The following OSBP2 variants were observed in gnomAD, a reference collection of about 807,000 sequenced individuals.
OSBP2 encodes oxysterol binding protein 2.
A neutral mutation model predicts 96.0 loss-of-function variants in OSBP2; 66 were observed. The observed-to-expected ratio is 0.69, with a 90% CI of 0.56 to 0.84. The LOEUF is 0.84. Ranked by LOEUF, OSBP2 falls within the 40% of genes least tolerant of loss-of-function variation. OSBP2 has a pLI of 0.00. For synonymous variants in OSBP2, 525 were observed against 520.9 expected, an observed-to-expected ratio of 1.01 and a Z score of -0.11; for missense variants, 1,038 against 1,222.7, an observed-to-expected ratio of 0.85 and a Z score of 2.25.
At position 30,826,363 on chromosome 22, in the gene OSBP2, C is replaced by T. The variant is rs565777991; in HGVS notation, c.854-44066C>T. Among the ~76,000 whole-genome samples the T allele has an allele frequency of 1.8e-4, 27 of 152,324 alleles. 4 individuals are homozygous for T. Among genetic ancestry groups the T allele is most frequent in the Admixed American group, 1.5e-3 (23 of 15,304 alleles). On this transcript the variant is annotated intron_variant, in intron 2 of 13. Coordinates refer to ENST00000332585, the MANE Select transcript of OSBP2 (RefSeq NM_030758.4). The stretch of plus-strand genomic sequence containing the variant: ...TGGCCTCCTGGTTCCCAGGGATTCA[C>T]ATTTGCCACTCCTCGGGCCTAGCCT...
intron 2 of OSBP2, among the ~76,000 whole-genome samples, chr22:30,849,562 C>G (rs2038937753): frequency 6.6e-6 from 1 of 152,112 alleles, no homozygotes; most frequent in Non-Finnish European, 1.5e-5. Context: ...AACACCTTTT[C>G]AAATCTTTTG....
chr22:30,715,017 G>A (rs2089424156), intron 1 of OSBP2, among the ~76,000 whole-genome samples: 1 of 151,522 alleles, frequency 6.6e-6, no homozygotes. Context: ...GTTTTCTGTA[G>A]TGATTATACC....
At position 30,844,122 on chromosome 22, in the gene OSBP2, G is replaced by A. The variant is rs529411108; in HGVS notation, c.854-26307G>A. The stretch of plus-strand genomic sequence containing the variant: ...ACTCCTGTGCTCAAGCAATCTGCTC[G>A]CTTTGGCCTCCCAAAGTGGTAGGAT... On this transcript the variant is annotated intron_variant, in intron 2 of 13. Transcript: ENST00000332585. 4.7e-4 allele frequency among the ~76,000 whole-genome samples: 71 copies of A among 152,232 alleles called. No individual in the cohort carries two copies. In the South Asian group the frequency reaches 9.1e-3, roughly 20 times the overall value.
chr22:30,704,516 GA>G (rs1395489180), intron 1 of OSBP2, among the ~76,000 whole-genome samples: 1 of 132,654 alleles, frequency 7.5e-6, no homozygotes, highest in African/African-American at 2.9e-5. Flanking sequence ...AAGGAAAGCA[GA>G]TTTTTTTTTT....
chr22:30,837,494 A>G (rs1226984058), intron 2 of OSBP2, among the ~76,000 whole-genome samples: 1 of 152,176 alleles, frequency 6.6e-6, no homozygotes, highest in African/African-American at 2.4e-5. Flanking sequence ...TGTGGCTTCC[A>G]AGAGTCTGCA....
At chr22:30,760,542 G>A (rs1176291988) in intron 2 of OSBP2, among the ~76,000 whole-genome samples, 1 of 152,108 alleles carries the variant, frequency 6.6e-6, no homozygotes, top group South Asian at 2.1e-4. Flanking sequence ...GGGGCTGGGG[G>A]CAGTGGCTCA....
rs537509321 is a variant in OSBP2, at chr22:30,694,900, G to T, written c.-10G>T. 1.5e-6 allele frequency: 2 copies of T among 1,290,920 alleles called. No homozygotes were observed. The highest frequency in any genetic ancestry group is 2.0e-6 in the Non-Finnish European group (2 of 1,008,310). 80.0% of individuals were successfully genotyped at this position (1,290,920 alleles called of 1,614,324 possible). ...CTGGCCGCTCGGCCGCGCGCGGGTC[G>T]GCCGGCTCTATGGGGAAAGCGGCGG... On this transcript the variant is annotated 5_prime_UTR_variant, in exon 1 of 14. Coordinates refer to ENST00000332585, the MANE Select transcript of OSBP2 (RefSeq NM_030758.4).
intron 8 of OSBP2, 113 bp downstream of exon 8, chr22:30,891,086 A>C: frequency 7.6e-7 from 1 of 1,313,508 alleles, no homozygotes; most frequent in South Asian, 1.4e-5. Flanking sequence ...CTGACTGCCC[A>C]TACCCAAGGG....
chr22:30,809,427 G>A (rs911074686), intron 2 of OSBP2, among the ~76,000 whole-genome samples: 3 of 152,192 alleles, frequency 2.0e-5, no homozygotes, highest in African/African-American at 7.2e-5. Context: ...TGCTGGGGTG[G>A]CAGCTGTCAA....
intron 1 of OSBP2, among the ~76,000 whole-genome samples, chr22:30,698,342 A>G (rs2089088674): frequency 6.6e-6 from 1 of 151,848 alleles, no homozygotes; most frequent in Non-Finnish European, 1.5e-5. Context: ...AGTCAAGCTT[A>G]CCTGCTGGGC....
intron 2 of OSBP2, among the ~76,000 whole-genome samples, chr22:30,859,800 T>G (rs1001974279): frequency 6.6e-6 from 1 of 152,218 alleles, no homozygotes; most frequent in Non-Finnish European, 1.5e-5. Context: ...GACTTCAATG[T>G]GGAACAAAGG....
intron 1 of OSBP2, among the ~76,000 whole-genome samples, chr22:30,711,025 G>A (rs534809317): frequency 5.3e-5 from 8 of 152,316 alleles, no homozygotes; most frequent in Admixed American, 2.0e-4. Context: ...GAATACAGGC[G>A]TGAGTCACTG....
intron 2 of OSBP2, among the ~76,000 whole-genome samples, chr22:30,853,302 G>A (rs1456696487): frequency 6.6e-6 from 1 of 152,108 alleles, no homozygotes; most frequent in Non-Finnish European, 1.5e-5. Context: ...CACGAGGCAC[G>A]TGCACATCCA....
intron 2 of OSBP2, among the ~76,000 whole-genome samples, chr22:30,797,043 C>T (rs1416241955): frequency 6.6e-6 from 1 of 152,206 alleles, no homozygotes; most frequent in African/African-American, 2.4e-5. Flanking sequence ...ATTCTACTTT[C>T]TGTCTGTTTG....
intron 2 of OSBP2, among the ~76,000 whole-genome samples, chr22:30,859,659 T>C (rs1016572488): frequency 6.6e-6 from 1 of 152,188 alleles, no homozygotes; most frequent in African/African-American, 2.4e-5. Context: ...TGGGAGGACA[T>C]GGCCTATAAC....
intron 3 of OSBP2, among the ~76,000 whole-genome samples, chr22:30,876,048 C>T (rs1316552759): frequency 6.6e-6 from 1 of 152,218 alleles, no homozygotes; most frequent in African/African-American, 2.4e-5. Flanking sequence ...TCCCAGTTGG[C>T]GGAGAGGCAG....
intron 1 of OSBP2, among the ~76,000 whole-genome samples, chr22:30,703,529 G>T (rs1299347783): frequency 6.6e-6 from 1 of 151,124 alleles, no homozygotes; most frequent in African/African-American, 2.4e-5. Context: ...AGGCTGGAGT[G>T]CAGTGGCACG....
rs367679150 is a variant in OSBP2, at chr22:30,906,328, A to G, written c.2740A>G (p.Asn914Asp). 1.2e-6 allele frequency: 2 copies of G among 1,608,484 alleles called. No individual in the cohort carries two copies. Among genetic ancestry groups the G allele is most frequent in the Non-Finnish European group, 1.7e-6 (2 of 1,176,608 alleles). ...GAAGCAAGACTGGCATATGTGCCCC[A>G]ACATCTTCTGAGCGCCACCCTTGCA... is the stretch of plus-strand genomic sequence containing the variant. ...KEKQDWHMCP[N>D]IF is the part of the protein sequence containing the mutation. Residue 914 changes from asparagine (N) to aspartate (D), a missense_variant, in exon 14 of 14, where the codon AAC becomes GAC. Asn to Asp is a conservative substitution (Grantham distance 23, BLOSUM62 1). Coordinates refer to ENST00000332585, the MANE Select transcript of OSBP2 (RefSeq NM_030758.4).
intron 2 of OSBP2, among the ~76,000 whole-genome samples, chr22:30,837,383 G>C (rs547603998): frequency 2.9e-4 from 44 of 152,286 alleles, no homozygotes; most frequent in African/African-American, 5.5e-4. Context: ...CAGAAGCATG[G>C]AAAACCACTG....
Sources: gnomAD v4.1 joint callset for allele counts (sites outside exome capture counted in the v4.1 genomes callset) on GRCh38, gnomAD v4.1.1 for gene constraint, MANE v1.5 for transcripts, NCBI Gene and HGNC (gene_info 2026-07-23, HGNC 2026-07-21) for gene names.